Variants in MNAT1 observed in about 807,000 individuals in gnomAD.
MNAT1 encodes MNAT1 component of CDK activating kinase.
Under a neutral mutation model 42.0 loss-of-function variants are expected in MNAT1, and 43 were observed. That is an observed-to-expected ratio of 1.02 (90% CI 0.80 to 1.32). The LOEUF (loss-of-function observed/expected upper bound fraction) is 1.32. MNAT1 is among the 40% of genes most tolerant of loss of function. The probability of loss-of-function intolerance (pLI) is 0.00; values close to 1 mark genes in which losing one functional copy is unlikely to be tolerated. For missense variants in MNAT1, 306 were observed against 350.4 expected, an observed-to-expected ratio of 0.87 and a Z score of 1.01; for synonymous variants, 118 against 120.0, an observed-to-expected ratio of 0.98 and a Z score of 0.11.
intron 5 of MNAT1, among the ~76,000 whole-genome samples, chr14:60,814,126 A>G (rs1166077804): frequency 6.6e-6 from 1 of 152,090 alleles, no homozygotes; most frequent in Admixed American, 6.6e-5. Flanking sequence ...TAATGAGCTC[A>G]TTTTGGCTCC....
chr14:60,935,501 A>G (rs2035977217), intron 7 of MNAT1, among the ~76,000 whole-genome samples: 1 of 152,096 alleles, frequency 6.6e-6, no homozygotes, highest in Admixed American at 6.6e-5. Context: ...TTACTTCCAG[A>G]TGTGTTGCTT....
chr14:60,857,178 A>G (rs1297327237), intron 6 of MNAT1, among the ~76,000 whole-genome samples: 17 of 152,252 alleles, frequency 1.1e-4, no homozygotes, highest in Admixed American at 1.1e-3. Flanking sequence ...TTGACAATGC[A>G]TCTGATCACT....
chr14:60,938,113 G>A (rs112451996), intron 7 of MNAT1, among the ~76,000 whole-genome samples: 2,694 of 152,232 alleles, frequency 0.018, 61 homozygotes, highest in African/African-American at 0.056. Context: ...CTATCAGCTT[G>A]AGGAGATTTT....
At chr14:60,855,598 C>G (rs1381210149) in intron 6 of MNAT1, among the ~76,000 whole-genome samples, 1 of 152,122 alleles carries the variant, frequency 6.6e-6, no homozygotes, top group Non-Finnish European at 1.5e-5. Context: ...GAGCGATGCC[C>G]CACCCTTGCT....
In MNAT1 at chr14:60,869,284, G is replaced by T. The variant is rs1004306710; in HGVS notation, c.688-10430G>T. On this transcript the variant is annotated intron_variant, in intron 6 of 7. Transcript: ENST00000261245. ...TCAAACTGCTGAGCTCAAGCAATCCGCCTGCCTCGGCCTCCCAAAGTGCTA... is the reference window on the plus strand; with the variant it reads ...TCAAACTGCTGAGCTCAAGCAATCCTCCTGCCTCGGCCTCCCAAAGTGCTA... 3.3e-5 allele frequency among the ~76,000 whole-genome samples: 5 copies of T among 150,556 alleles called. No individual in the cohort carries two copies. The East Asian group carries it at 5.9e-4, about 18-fold the overall frequency.
intron 1 of MNAT1, among the ~76,000 whole-genome samples, chr14:60,751,636 AGATT>A (rs1474814476): frequency 6.6e-6 from 1 of 152,000 alleles, no homozygotes; most frequent in Non-Finnish European, 1.5e-5. Context: ...AAAGAAATAT[AGATT>A]ATTTACATGT....
chr14:60,735,474 A>G (rs1261724306), intron 1 of MNAT1, among the ~76,000 whole-genome samples: 2 of 152,186 alleles, frequency 1.3e-5, no homozygotes, highest in Admixed American at 1.3e-4. Context: ...CCCGGACTGT[A>G]GGTAGTTAAT....
intron 1 of MNAT1, among the ~76,000 whole-genome samples, chr14:60,773,453 A>G (rs531219154): frequency 4.1e-4 from 62 of 152,240 alleles, no homozygotes; most frequent in African/African-American, 1.3e-3. Flanking sequence ...GGAGACAGAT[A>G]TTAAACACAA....
chr14:60,808,467 A>C, intron 4 of MNAT1, 39 bp downstream of exon 4: 1 of 1,237,216 alleles, frequency 8.1e-7, no homozygotes, highest in African/African-American at 1.6e-5. Flanking sequence ...TTGTCTTAGA[A>C]ACAAATGTTT....
chr14:60,834,714 T>G (rs746433839), intron 6 of MNAT1, among the ~76,000 whole-genome samples: 1 of 152,202 alleles, frequency 6.6e-6, no homozygotes, highest in Non-Finnish European at 1.5e-5. Context: ...TATATCCTTG[T>G]TAATTTTTTG....
chr14:60,943,096 C>T (rs1227286458), intron 7 of MNAT1, among the ~76,000 whole-genome samples: 1 of 130,062 alleles, frequency 7.7e-6, no homozygotes, highest in Non-Finnish European at 1.6e-5. Context: ...CTCTTGTCAC[C>T]CAGGCTGTAG....
At chr14:60,873,999 TC>T (rs1365238327) in intron 6 of MNAT1, among the ~76,000 whole-genome samples, 1 of 152,210 alleles carries the variant, frequency 6.6e-6, no homozygotes, top group African/African-American at 2.4e-5. Flanking sequence ...ATTATATTTC[TC>T]ATTGCTTTCT....
intron 6 of MNAT1, among the ~76,000 whole-genome samples, chr14:60,869,041 T>TATATATATATATATATATATATATA (rs373998263): frequency 1.2e-4 from 11 of 92,748 alleles, no homozygotes; most frequent in East Asian, 2.9e-4. Flanking sequence ...TATATATATA[T>TATATATATATATATATATATATATA]TTTTTTTTTT....
Position 60,968,638 on chromosome 14 carries a change from CTT to C in MNAT1, c.*290_*291del, listed in dbSNP as rs1463383643. On this transcript the variant is annotated 3_prime_UTR_variant, in exon 8 of 8. Transcript: ENST00000261245. The stretch of plus-strand genomic sequence containing the variant: ...TATATGTGTTTGAGGTTGTGACAGA[CTT>C]ATAAAATCTTTTTAAAAAATAAAGC... 2.9e-6 allele frequency: 2 copies of C among 679,758 alleles called. No homozygotes were observed. The highest frequency in any genetic ancestry group is 1.9e-5 in the African/African-American group (1 of 52,264). 42.1% of individuals were successfully genotyped at this position (679,758 alleles called of 1,614,324 possible).
chr14:60,828,185 G>A (rs1203297506), intron 6 of MNAT1, among the ~76,000 whole-genome samples: 2 of 152,020 alleles, frequency 1.3e-5, no homozygotes, highest in Non-Finnish European at 2.9e-5. Context: ...TTGGTCTTGG[G>A]CAAATCACTT....
rs546459810 is a variant in MNAT1, at chr14:60,911,811, G to T, written c.809+31976G>T. Among the ~76,000 whole-genome samples, 3 of 152,186 alleles carry T rather than the reference G, an allele frequency of 2.0e-5. No individual in the cohort carries two copies. The East Asian group carries it at 5.8e-4, about 29-fold the overall frequency. ...ATGTATATTCTGGTGATTTGGGGTG[G>T]AGAGTTCTGTAGATGTGTATTAGGT... On this transcript the variant is annotated intron_variant, in intron 7 of 7. Transcript: ENST00000261245.
At chr14:60,748,791 A>G (rs2029943234) in intron 1 of MNAT1, among the ~76,000 whole-genome samples, 1 of 151,598 alleles carries the variant, frequency 6.6e-6, no homozygotes, top group African/African-American at 2.4e-5. Context: ...TTTTTTTTTT[A>G]TTAGTAGAAG....
Position 60,740,064 on chromosome 14 carries a change from A to C in MNAT1, c.89+5113A>C, listed in dbSNP as rs1340725582. On this transcript the variant is annotated intron_variant, in intron 1 of 7. Coordinates refer to ENST00000261245, the MANE Select transcript of MNAT1 (RefSeq NM_002431.4). This position sits in a 1 kb window ranked among gnomAD's most constrained non-coding sequence, Gnocchi z 4.1. ...AGGTACTTGGGGAGGCTAAGGCAGG[A>C]GAATCACTTGAACCTGGGAGGCAGA... is the stretch of plus-strand genomic sequence containing the variant. Among the ~76,000 whole-genome samples, 3 of 152,280 alleles carry C rather than the reference A, an allele frequency of 2.0e-5. No homozygotes were observed. In the East Asian group the frequency reaches 5.8e-4, roughly 29 times the overall value.
intron 3 of MNAT1, among the ~76,000 whole-genome samples, chr14:60,800,337 C>T (rs1019745465): frequency 6.6e-6 from 1 of 151,850 alleles, no homozygotes; most frequent in Non-Finnish European, 1.5e-5. Context: ...TTGCTTGAGC[C>T]CAGGAGTTTG....
Sources: gnomAD v4.1 joint callset for allele counts (sites outside exome capture counted in the v4.1 genomes callset) on GRCh38, gnomAD v4.1.1 for gene constraint, Gnocchi (gnomAD v3.1) non-coding constraint, MANE v1.5 for transcripts, NCBI Gene and HGNC (gene_info 2026-07-23, HGNC 2026-07-21) for gene names.